The following IMMP2L variants were observed in gnomAD, a reference collection of about 807,000 sequenced individuals.
IMMP2L encodes mitochondrial inner membrane protease subunit 2.
Under a neutral mutation model 19.3 loss-of-function variants are expected in IMMP2L, and 18 were observed. That is an observed-to-expected ratio of 0.93 (90% CI 0.64 to 1.38). The LOEUF (loss-of-function observed/expected upper bound fraction) is 1.38, where lower values mean the gene tolerates loss of function less well. IMMP2L is among the 40% of genes most tolerant of loss of function. The probability of loss-of-function intolerance (pLI) is 0.00; values close to 1 mark genes in which losing one functional copy is unlikely to be tolerated. For missense variants in IMMP2L, 233 were observed against 218.2 expected, an observed-to-expected ratio of 1.07 and a Z score of -0.43; for synonymous variants, 76 against 73.0, an observed-to-expected ratio of 1.04 and a Z score of -0.21.
At chr7:111,358,239 A>G (rs1052197739) in intron 3 of IMMP2L, among the ~76,000 whole-genome samples, 3 of 150,700 alleles carry the variant, frequency 2.0e-5, no homozygotes, top group African/African-American at 7.4e-5. Flanking sequence ...CAGATGCATT[A>G]TCTTACTACC....
At chr7:111,440,998 T>C (rs896356795) in intron 3 of IMMP2L, among the ~76,000 whole-genome samples, 4 of 151,894 alleles carry the variant, frequency 2.6e-5, no homozygotes, top group African/African-American at 9.7e-5. Context: ...CTTCTGAAGC[T>C]TCCTCACCTT....
intron 2 of IMMP2L, among the ~76,000 whole-genome samples, chr7:111,501,655 T>C (rs1185360687): frequency 1.3e-5 from 2 of 151,844 alleles, no homozygotes; most frequent in Admixed American, 6.6e-5. Flanking sequence ...CAGAAGAGAG[T>C]GGGGGCCAAT....
intron 3 of IMMP2L, among the ~76,000 whole-genome samples, chr7:111,361,258 T>C (rs1829233024): frequency 6.6e-6 from 1 of 152,152 alleles, no homozygotes; most frequent in African/African-American, 2.4e-5. Flanking sequence ...ACTTATTAAC[T>C]GTGTGGGCAT....
intron 5 of IMMP2L, chr7:110,724,074 T>G (rs984815950): frequency 2.0e-5 from 3 of 152,154 alleles, no homozygotes; most frequent in African/African-American, 7.2e-5. Flanking sequence ...CTTAAGTAAT[T>G]CTGCTTACCA....
At chr7:111,176,097 CTT>C (rs1290433943) in intron 3 of IMMP2L, among the ~76,000 whole-genome samples, 1 of 151,880 alleles carries the variant, frequency 6.6e-6, no homozygotes, top group Non-Finnish European at 1.5e-5. Context: ...GTTCAAATGA[CTT>C]TATCTGAAAG....
At chr7:111,361,487 G>A (rs1829255221) in intron 3 of IMMP2L, among the ~76,000 whole-genome samples, 1 of 152,052 alleles carries the variant, frequency 6.6e-6, no homozygotes, top group Non-Finnish European at 1.5e-5. Context: ...AGTAGCAGTT[G>A]CAGCATAACT....
chr7:110,958,559 G>T (rs1818601742), intron 4 of IMMP2L, among the ~76,000 whole-genome samples: 1 of 152,004 alleles, frequency 6.6e-6, no homozygotes, highest in Non-Finnish European at 1.5e-5. Flanking sequence ...ACTGCTAATT[G>T]TAATGCCCCA....
At chr7:110,668,898 T>A (rs1279684871) in intron 5 of IMMP2L, among the ~76,000 whole-genome samples, 1 of 151,708 alleles carries the variant, frequency 6.6e-6, no homozygotes, top group African/African-American at 2.4e-5. Context: ...AAGAGTATAG[T>A]GAATATAGAA....
chr7:111,538,859 G>T (rs1248178541), intron 1 of IMMP2L, among the ~76,000 whole-genome samples: 1 of 148,066 alleles, frequency 6.8e-6, no homozygotes, highest in South Asian at 2.1e-4. Context: ...AGTGGCTCAC[G>T]GCTGTAATCC....
intron 5 of IMMP2L, among the ~76,000 whole-genome samples, chr7:110,696,747 G>A (rs1793917817): frequency 6.6e-6 from 1 of 152,064 alleles, no homozygotes. Context: ...CATTTCTGTG[G>A]TATGAGAGTA....
intron 5 of IMMP2L, among the ~76,000 whole-genome samples, chr7:110,816,274 C>A (rs550784835): frequency 1.3e-5 from 2 of 152,000 alleles, no homozygotes; most frequent in African/African-American, 4.8e-5. Flanking sequence ...AGTTGAGCGG[C>A]TTTGAGTGAG....
chr7:110,976,196 T>C (rs1385432770), intron 3 of IMMP2L, among the ~76,000 whole-genome samples: 1 of 152,100 alleles, frequency 6.6e-6, no homozygotes, highest in Non-Finnish European at 1.5e-5. Context: ...CATAAGATGA[T>C]ATGAAGGTAG....
intron 3 of IMMP2L, among the ~76,000 whole-genome samples, chr7:111,134,929 A>G (rs1209352753): frequency 6.6e-6 from 1 of 152,066 alleles, no homozygotes; most frequent in African/African-American, 2.4e-5. Context: ...TATGGTATCA[A>G]TAATAGAAAA....
rs530497025 is a variant in IMMP2L, at chr7:110,763,418, G to A, written c.409-99697C>T. On this transcript the variant is annotated intron_variant, in intron 5 of 5. Transcript: ENST00000405709. ...CTACTCTGAGCAAGCAAAGCCCTAC[G>A]GTGGGCAGTGTACTAGGGTCCAGGT... Among the ~76,000 whole-genome samples the A allele has an allele frequency of 2.0e-4, 31 of 152,116 alleles. No individual in the cohort carries two copies. The South Asian group carries it at 6.0e-3, about 30-fold the overall frequency.
chr7:111,322,731 T>C (rs1053705353), intron 3 of IMMP2L, among the ~76,000 whole-genome samples: 5 of 151,726 alleles, frequency 3.3e-5, no homozygotes, highest in Admixed American at 2.0e-4. Context: ...ATAATTTACA[T>C]GAGAAAAAGA....
chr7:110,803,241 G>A lies in IMMP2L; in HGVS notation c.408+83352C>T, dbSNP rs1801383665. ...GTAGGAGCTGTGTAGGGGATGGTGA[G>A]GATCAGATAGACCAAAGAAGAGAGG... On this transcript the variant is annotated intron_variant, in intron 5 of 5. Transcript: ENST00000405709. The surrounding 1 kb of genome is among the most constrained non-coding windows in gnomAD (Gnocchi z 4.2). Among the ~76,000 whole-genome samples the A allele has an allele frequency of 6.6e-6, 1 of 151,960 alleles. No individual in the cohort carries two copies. Among genetic ancestry groups the A allele is most frequent in the Non-Finnish European group, 1.5e-5 (1 of 67,952 alleles).
chr7:110,858,689 G>A (rs1807059261), intron 5 of IMMP2L, among the ~76,000 whole-genome samples: 1 of 151,786 alleles, frequency 6.6e-6, no homozygotes, highest in Admixed American at 6.6e-5. Context: ...TGCCATGCTG[G>A]TGTGCTGCAC....
chr7:110,818,451 A>C (rs554080244), intron 5 of IMMP2L, among the ~76,000 whole-genome samples: 11,721 of 152,108 alleles, frequency 0.077, 1,484 homozygotes, highest in African/African-American at 0.27. Flanking sequence ...GATCATTAAA[A>C]AGTCAGGAAA....
intron 3 of IMMP2L, among the ~76,000 whole-genome samples, chr7:111,070,337 T>A (rs1170912400): frequency 6.6e-6 from 1 of 152,212 alleles, no homozygotes; most frequent in Non-Finnish European, 1.5e-5. Flanking sequence ...TAAAGTAGCA[T>A]ACTGTATGGC....
Sources: allele counts gnomAD v4.1 joint callset (sites outside exome capture counted in the v4.1 genomes callset), GRCh38; gene constraint gnomAD v4.1.1; non-coding constraint Gnocchi (gnomAD v3.1); transcripts MANE v1.5; gene names NCBI Gene and HGNC (gene_info 2026-07-23, HGNC 2026-07-21).